DPPA2: variants seen among roughly 807,000 people sequenced by gnomAD.
DPPA2 encodes the protein developmental pluripotency-associated protein 2.
In DPPA2, 26 loss-of-function variants were observed where a neutral mutation model predicts 36.2. That is an observed-to-expected ratio of 0.72 (90% CI 0.53 to 1.00). The LOEUF (loss-of-function observed/expected upper bound fraction) is 1.00. DPPA2 is among the 50% of genes least tolerant of loss of function. The pLI is 0.00. For synonymous variants in DPPA2, 113 were observed against 123.2 expected, an observed-to-expected ratio of 0.92 and a Z score of 0.55; for missense variants, 361 against 365.1, an observed-to-expected ratio of 0.99 and a Z score of 0.09.
chr3:109,294,007 A>G lies in DPPA2; in HGVS notation c.*23-3T>C, dbSNP rs1707308701. The G allele has an allele frequency of 6.6e-6, 1 of 152,156 alleles. No individual in the cohort carries two copies. The highest frequency in any genetic ancestry group is 2.4e-5 in the African/African-American group (1 of 41,440). 9.4% of individuals were successfully genotyped at this position (152,156 alleles called of 1,614,324 possible). ...AAAGTACATCCCTCCTTTAGTACCT[A>G]GAAGCAAATTTGAAATGGTATATTT... On this transcript the variant is annotated splice_polypyrimidine_tract_variant and splice_region_variant and intron_variant, in intron 8 of 8. Coordinates refer to ENST00000478945, the MANE Select transcript of DPPA2 (RefSeq NM_138815.4).
intron 8 of DPPA2, among the ~76,000 whole-genome samples, chr3:109,299,001 G>A (rs1041032978): frequency 6.6e-6 from 1 of 150,672 alleles, no homozygotes; most frequent in Non-Finnish European, 1.5e-5. Context: ...AGCTGAGATC[G>A]TGCCACTGCA....
intron 8 of DPPA2, among the ~76,000 whole-genome samples, chr3:109,296,593 T>G (rs1707355160): frequency 6.6e-6 from 1 of 152,040 alleles, no homozygotes; most frequent in African/African-American, 2.4e-5. Flanking sequence ...GAGAATTGTT[T>G]GAACCCAGGA....
intron 3 of DPPA2, among the ~76,000 whole-genome samples, chr3:109,310,967 A>G (rs1328622354): frequency 1.3e-5 from 2 of 151,618 alleles, no homozygotes; most frequent in African/African-American, 2.4e-5. Flanking sequence ...ATGCCTGGAT[A>G]ATGTTTGTAT....
At position 109,314,836 on chromosome 3, in the gene DPPA2, G is replaced by C. The variant is rs118133219; in HGVS notation, c.-13-281C>G. On this transcript the variant is annotated intron_variant, in intron 1 of 8. Transcript: ENST00000478945. ...CCAGCACTTTGGGAGGCCCAGGGGG[G>C]GCGGATCGATTGAGTCCAGGAGTTC... is the stretch of plus-strand genomic sequence containing the variant. Among the ~76,000 whole-genome samples the C allele has an allele frequency of 6.2e-3, 947 of 152,258 alleles. 46 individuals carry two copies. In the East Asian group the frequency reaches 0.11, roughly 18 times the overall value.
At chr3:109,304,917 C>T (rs1279335114) in intron 6 of DPPA2, among the ~76,000 whole-genome samples, 3 of 152,006 alleles carry the variant, frequency 2.0e-5, no homozygotes, top group African/African-American at 4.8e-5. Flanking sequence ...GAGGTTGAGG[C>T]GGGAGGATCA....
chr3:109,309,209 C>A lies in DPPA2; in HGVS notation c.303G>T (p.Arg101=). ...PINKVCRDTL[R]DWCQQLGLST... ...TCAAACCGAGTTGTTGACACCAGTCCCGCAAAGTGTCCCGACACACCTTAT... is the reference window on the plus strand; with the variant it reads ...TCAAACCGAGTTGTTGACACCAGTCACGCAAAGTGTCCCGACACACCTTAT... Residue 101 remains arginine (R), a synonymous_variant, in exon 4 of 9, where the codon CGG becomes CGT. Coordinates refer to ENST00000478945, the MANE Select transcript of DPPA2 (RefSeq NM_138815.4). 6.2e-7 allele frequency: 1 copy of A among 1,614,104 alleles called. No homozygotes were observed. The highest frequency in any genetic ancestry group is 8.5e-7 in the Non-Finnish European group (1 of 1,180,026).
chr3:109,304,000 G>A (rs983885869), intron 7 of DPPA2, among the ~76,000 whole-genome samples: 1 of 151,868 alleles, frequency 6.6e-6, no homozygotes, highest in Admixed American at 6.6e-5. Context: ...AGCCGGGCAC[G>A]GTGGCTCACA....
intron 8 of DPPA2, among the ~76,000 whole-genome samples, chr3:109,294,553 C>T (rs950105071): frequency 3.9e-5 from 6 of 152,148 alleles, no homozygotes; most frequent in African/African-American, 7.2e-5. Context: ...GTCACAAGCA[C>T]ACATATTCTC....
intron 8 of DPPA2, among the ~76,000 whole-genome samples, chr3:109,299,727 A>G (rs1422580852): frequency 6.7e-6 from 1 of 148,318 alleles, no homozygotes; most frequent in Non-Finnish European, 1.5e-5. Flanking sequence ...AAGAAAAAAG[A>G]ATAATGTATC....
intron 6 of DPPA2, among the ~76,000 whole-genome samples, chr3:109,306,568 C>A (rs1707569501): frequency 6.6e-6 from 1 of 151,666 alleles, no homozygotes; most frequent in Non-Finnish European, 1.5e-5. Flanking sequence ...AGGATTCAAG[C>A]CAAAAAGGAA....
rs531020504 is a variant in DPPA2, at chr3:109,300,689, G to A, written c.855-254C>T. Among the ~76,000 whole-genome samples, 166 of 151,638 alleles carry A rather than the reference G, an allele frequency of 1.1e-3. 2 individuals carry two copies. The highest frequency in any genetic ancestry group is 1.3e-3 in the Non-Finnish European group (86 of 67,952). ...TTACAAAAATTAGCCGGTCATGGTG[G>A]CACAGGCCTGTAGTCCCAGCTACTC... is the stretch of plus-strand genomic sequence containing the variant. On this transcript the variant is annotated intron_variant, in intron 7 of 8. Coordinates refer to ENST00000478945, the MANE Select transcript of DPPA2 (RefSeq NM_138815.4).
chr3:109,296,412 C>T (rs1707352022), intron 8 of DPPA2, among the ~76,000 whole-genome samples: 1 of 152,338 alleles, frequency 6.6e-6, no homozygotes, highest in South Asian at 2.1e-4. Flanking sequence ...TGGTGGCTCA[C>T]GCCTGTAATC....
In DPPA2 at chr3:109,316,482, G is replaced by C. The variant is rs932646482; in HGVS notation, c.-212C>G. On this transcript the variant is annotated 5_prime_UTR_variant, in exon 1 of 9. Coordinates refer to ENST00000478945, the MANE Select transcript of DPPA2 (RefSeq NM_138815.4). ...ACGATTCTTAAGCTCCTGAAGTCTA[G>C]AAGCCTTAGCTAGATCAGGCCATAA... The C allele has an allele frequency of 6.6e-6, 1 of 152,318 alleles. No homozygotes were observed. Among genetic ancestry groups the C allele is most frequent in the Non-Finnish European group, 1.5e-5 (1 of 68,182 alleles). The allele number at this position is 152,318 out of a possible 1,614,324, so 9.4% of individuals were successfully genotyped here.
intron 3 of DPPA2, among the ~76,000 whole-genome samples, chr3:109,311,931 G>A (rs910801000): frequency 2.6e-5 from 4 of 152,204 alleles, no homozygotes; most frequent in East Asian, 1.9e-4. Context: ...TATTCATCTC[G>A]TTTTTATAGA....
chr3:109,312,708 AGTCACT>A lies in DPPA2; in HGVS notation c.34-22_34-17del. On this transcript the variant is annotated splice_polypyrimidine_tract_variant and intron_variant, in intron 2 of 8. Coordinates refer to ENST00000478945, the MANE Select transcript of DPPA2 (RefSeq NM_138815.4). ...CCAAGAAATTCTGGAAAGAGAAGTC[AGTCACT>A]GATTTTCATTTGATGCGGTACAACT... The A allele has an allele frequency of 6.2e-7, 1 of 1,611,986 alleles. No homozygotes were observed. The highest frequency in any genetic ancestry group is 8.5e-7 in the Non-Finnish European group (1 of 1,178,362).
Position 109,307,486 on chromosome 3 carries a change from C to A in DPPA2, c.658+546G>T, listed in dbSNP as rs552396425. Among the ~76,000 whole-genome samples the A allele has an allele frequency of 2.0e-5, 3 of 151,424 alleles. No individual in the cohort carries two copies. In the East Asian group the frequency reaches 5.9e-4, roughly 30 times the overall value. Reference sequence around the variant, plus strand: ...GGCGTGGTGGTGGGTGCCTGTAATTCCAGCTACTCAGGAGGCTGAGGCAGG... The same window carrying A: ...GGCGTGGTGGTGGGTGCCTGTAATTACAGCTACTCAGGAGGCTGAGGCAGG... On this transcript the variant is annotated intron_variant, in intron 6 of 8. Coordinates refer to ENST00000478945, the MANE Select transcript of DPPA2 (RefSeq NM_138815.4).
chr3:109,304,223 A>T (rs1037878484), intron 7 of DPPA2, among the ~76,000 whole-genome samples: 1 of 151,870 alleles, frequency 6.6e-6, no homozygotes, highest in Non-Finnish European at 1.5e-5. Context: ...CAGTGAGCTG[A>T]GATCATGCCA....
chr3:109,299,366 C>T lies in DPPA2; in HGVS notation c.*22+1005G>A, dbSNP rs185513633. Reference sequence around the variant, plus strand: ...TTTCTACTAATACAAAAAAATTAGCCGGGTGTGGTGGCACATGCCTGTAAT... The same window carrying T: ...TTTCTACTAATACAAAAAAATTAGCTGGGTGTGGTGGCACATGCCTGTAAT... On this transcript the variant is annotated intron_variant, in intron 8 of 8. Coordinates refer to ENST00000478945, the MANE Select transcript of DPPA2 (RefSeq NM_138815.4). 2.8e-3 allele frequency among the ~76,000 whole-genome samples: 425 copies of T among 151,870 alleles called. 2 individuals carry two copies. Among genetic ancestry groups the T allele is most frequent in the African/African-American group, 9.8e-3 (406 of 41,464 alleles).
intron 8 of DPPA2, among the ~76,000 whole-genome samples, chr3:109,298,848 C>G: frequency 6.7e-6 from 1 of 150,338 alleles, no homozygotes; most frequent in East Asian, 2.0e-4. Flanking sequence ...CCAGGCTGTT[C>G]ACCTGAGCAA....
Sources: allele counts gnomAD v4.1 joint callset (sites outside exome capture counted in the v4.1 genomes callset), GRCh38; gene constraint gnomAD v4.1.1; transcripts MANE v1.5; gene names NCBI Gene and HGNC (gene_info 2026-07-23, HGNC 2026-07-21).